ZNF311: variants seen among roughly 807,000 people sequenced by gnomAD.
The protein encoded by ZNF311 is zinc finger protein 311.
A neutral mutation model predicts 22.7 loss-of-function variants in ZNF311; 14 were observed. The observed-to-expected ratio is 0.62, with a 90% CI of 0.41 to 0.96. The LOEUF (loss-of-function observed/expected upper bound fraction) is 0.96, where lower values mean the gene tolerates loss of function less well. ZNF311 is among the 40% of genes least tolerant of loss of function. The pLI, the probability that ZNF311 is intolerant of heterozygous loss-of-function variation, is 0.00. For missense variants in ZNF311, 731 were observed against 799.0 expected (o/e 0.91, Z 1.03); for synonymous variants, 250 against 275.3 (o/e 0.91, Z 0.91).
At position 28,999,536 on chromosome 6, in the gene ZNF311, A is replaced by G; in HGVS notation, c.261T>C (p.His87=). 6.2e-7 allele frequency: 1 copy of G among 1,613,600 alleles called. No individual in the cohort carries two copies. The highest frequency in any genetic ancestry group is 8.5e-7 in the Non-Finnish European group (1 of 1,179,992). The change falls in exon 5 of 7, where the codon CAT becomes CAC. Residue 87 remains histidine (H), a synonymous_variant. Coordinates refer to ENST00000377179, the MANE Select transcript of ZNF311 (RefSeq NM_001382360.1). ...EWQCLTYAQR[H]LYKDVMLENY... Reference sequence around the variant, plus strand: ...TTTCCAACATCACATCCTTATAGAGATGCCTTTGAGCGTAGGTCAGACACT... The same window carrying G: ...TTTCCAACATCACATCCTTATAGAGGTGCCTTTGAGCGTAGGTCAGACACT...
intron 5 of ZNF311, 49 bp downstream of exon 5, chr6:28,999,434 TTAAA>T: frequency 6.7e-7 from 1 of 1,490,328 alleles, no homozygotes. Flanking sequence ...AATAAATCAA[TTAAA>T]TAATAAAAAA....
rs191931129 is a variant in ZNF311 at position 28,998,840 on chromosome 6, T to C, written c.311-2A>G. On this transcript the variant is annotated splice_acceptor_variant, in intron 5 of 6. Transcript: ENST00000377179. LOFTEE classifies it high-confidence loss of function. ...AAGGAGGTTTAGGAAATGGAAATCC[T>C]GGTTGCAGAGAAGAAATAAGTGTGT... The C allele has an allele frequency of 3.1e-6, 5 of 1,609,764 alleles. No individual in the cohort carries two copies. Among genetic ancestry groups the C allele is most frequent in the East Asian group, 2.2e-5 (1 of 44,858 alleles).
intron 3 of ZNF311, among the ~76,000 whole-genome samples, chr6:29,001,965 G>A (rs954529840): frequency 6.6e-6 from 1 of 152,160 alleles, no homozygotes; most frequent in African/African-American, 2.4e-5. Flanking sequence ...TACCCTTAGA[G>A]AAACTTTGAC....
intron 6 of ZNF311, among the ~76,000 whole-genome samples, chr6:28,996,868 T>C (rs1779679022): frequency 6.6e-6 from 1 of 152,216 alleles, no homozygotes; most frequent in African/African-American, 2.4e-5. Flanking sequence ...CAAAACAAAA[T>C]AATCTTCAAC....
intron 6 of ZNF311, among the ~76,000 whole-genome samples, chr6:28,997,942 A>G (rs1779858230): frequency 6.6e-6 from 1 of 152,146 alleles, no homozygotes; most frequent in Admixed American, 6.5e-5. Context: ...GAAAACTCCC[A>G]AAAAACAGAC....
Position 29,004,050 on chromosome 6 carries a change from A to T in ZNF311, c.-96T>A, listed in dbSNP as rs1780828495. 6.2e-7 allele frequency: 1 copy of T among 1,612,072 alleles called. No individual in the cohort carries two copies. Among genetic ancestry groups the T allele is most frequent in the Non-Finnish European group, 8.5e-7 (1 of 1,179,546 alleles). On this transcript the variant is annotated 5_prime_UTR_variant, in exon 2 of 7. Transcript: ENST00000377179. ...CTCAAACAAGCTGTGAAGTGGCTCC[A>T]GTTGATGCCAGCCTCCTTTGGAGAA...
At position 28,998,782 on chromosome 6, in the gene ZNF311, A is replaced by G. The variant is rs1218698378; in HGVS notation, c.367T>C (p.Cys123Arg). 3 of 1,613,020 alleles carry G rather than the reference A, an allele frequency of 1.9e-6. No homozygotes were observed. The highest frequency in any genetic ancestry group is 2.5e-6 in the Non-Finnish European group (3 of 1,180,004). The change falls in exon 6 of 7, where the codon TGT becomes CGT. Residue 123 changes from cysteine to arginine, a missense_variant. By Grantham distance (180) the Cys-to-Arg change is radical. Transcript: ENST00000377179. ...ISHLEREVDP[C>R]VQDPQDRESL... ...TCCCTGTCCTGTGGATCCTGCACACAGGGGTCTACTTCTCGCTCCAGATGA... is the reference window on the plus strand; with the variant it reads ...TCCCTGTCCTGTGGATCCTGCACACGGGGGTCTACTTCTCGCTCCAGATGA...
Position 28,995,013 on chromosome 6 carries a change from C to T in ZNF311, c.1989G>A (p.Leu663=). ...TVSQTSVVSI[L]TSA ...AGAATCGTTATACTCAGGCACTGGT[C>T]AAAATACTGACTACTGAGGTCTGAG... Residue 663 remains leucine, a synonymous_variant, in exon 7 of 7, where the codon TTG becomes TTA. Transcript: ENST00000377179. This position sits in a 1 kb window ranked among gnomAD's most constrained non-coding sequence, Gnocchi z 4.7. 1 of 1,606,436 alleles carries T rather than the reference C, an allele frequency of 6.2e-7. No individual in the cohort carries two copies. The highest frequency in any genetic ancestry group is 1.7e-5 in the Admixed American group (1 of 59,372).
chr6:28,997,198 T>C (rs1379354675), intron 6 of ZNF311, among the ~76,000 whole-genome samples: 1 of 152,140 alleles, frequency 6.6e-6, no homozygotes, highest in Non-Finnish European at 1.5e-5. Context: ...CTAGTGGTGG[T>C]GGGATGGTAT....
chr6:29,001,395 C>T (rs1299963071), intron 3 of ZNF311, among the ~76,000 whole-genome samples: 1 of 152,172 alleles, frequency 6.6e-6, no homozygotes. Flanking sequence ...TTAGTTTCAG[C>T]TACTTATAGC....
At chr6:28,997,943 A>G (rs1309192503) in intron 6 of ZNF311, among the ~76,000 whole-genome samples, 1 of 152,136 alleles carries the variant, frequency 6.6e-6, no homozygotes, top group East Asian at 1.9e-4. Flanking sequence ...AAAACTCCCA[A>G]AAAACAGACG....
chr6:29,003,995 C>G lies in ZNF311; in HGVS notation c.-41G>C. On this transcript the variant is annotated 5_prime_UTR_variant, in exon 2 of 7. Transcript: ENST00000377179. Reference sequence around the variant, plus strand: ...TCTTTAACAGTCTTCCACTGCTGTCCTGGTTTCTTCCTACTGGTCAGATCC... The same window carrying G: ...TCTTTAACAGTCTTCCACTGCTGTCGTGGTTTCTTCCTACTGGTCAGATCC... 6.2e-7 allele frequency: 1 copy of G among 1,612,932 alleles called. No individual in the cohort carries two copies. The highest frequency in any genetic ancestry group is 8.5e-7 in the Non-Finnish European group (1 of 1,179,906).
chr6:29,002,977 A>G (rs1020197591), intron 3 of ZNF311, among the ~76,000 whole-genome samples: 1 of 152,160 alleles, frequency 6.6e-6, no homozygotes, highest in Non-Finnish European at 1.5e-5. Context: ...ACGCCACCAA[A>G]GAGCACAAGG....
chr6:29,003,539 T>C lies in ZNF311; in HGVS notation c.65A>G (p.Gln22Arg), dbSNP rs1562349738. Residue 22 changes from glutamine (Q) to arginine (R), a missense_variant, in exon 3 of 7, where the codon CAG becomes CGG. Physicochemically the swap from Gln to Arg is conservative, Grantham distance 43 (BLOSUM62 1). Coordinates refer to ENST00000377179, the MANE Select transcript of ZNF311 (RefSeq NM_001382360.1). ...GPPSQLLWTR[Q>R]DTQLPQESAL... is the part of the protein sequence containing the mutation. Reference sequence around the variant, plus strand: ...GCTTTCCTGAGGGAGCTGGGTATCCTGGCGGGTCCAAAGCAGCTGGCTTGG... The same window carrying C: ...GCTTTCCTGAGGGAGCTGGGTATCCCGGCGGGTCCAAAGCAGCTGGCTTGG... 3.1e-6 allele frequency: 5 copies of C among 1,613,070 alleles called. No individual in the cohort carries two copies. Among genetic ancestry groups the C allele is most frequent in the Non-Finnish European group, 4.2e-6 (5 of 1,180,024 alleles).
At chr6:28,998,531 A>T (rs1285998403) in intron 6 of ZNF311, among the ~76,000 whole-genome samples, 1 of 152,202 alleles carries the variant, frequency 6.6e-6, no homozygotes, top group Non-Finnish European at 1.5e-5. Context: ...AAAATCTATT[A>T]GATAGGTTGC....
In ZNF311 at chr6:28,999,950, G is replaced by T; in HGVS notation, c.183+6C>A. On this transcript the variant is annotated splice_donor_region_variant and intron_variant, in intron 4 of 6. Transcript: ENST00000377179. Reference sequence around the variant, plus strand: ...TTCAAGGAGGAGGAAAGGGGCCTCAGCTCACTTGGGCCTGGCTCATTAGTG... The same window carrying T: ...TTCAAGGAGGAGGAAAGGGGCCTCATCTCACTTGGGCCTGGCTCATTAGTG... 6.2e-7 allele frequency: 1 copy of T among 1,611,846 alleles called. No homozygotes were observed. The highest frequency in any genetic ancestry group is 8.5e-7 in the Non-Finnish European group (1 of 1,179,186).
At chr6:28,998,313 C>A in intron 6 of ZNF311, among the ~76,000 whole-genome samples, 1 of 151,060 alleles carries the variant, frequency 6.6e-6, no homozygotes, top group South Asian at 2.1e-4. Flanking sequence ...GGGATTACAC[C>A]CAGCATGCAC....
chr6:28,996,712 A>G, intron 6 of ZNF311, 126 bp from the exon 7 acceptor site: 1 of 1,007,980 alleles, frequency 9.9e-7, no homozygotes, highest in East Asian at 2.6e-5. Context: ...CGTTGTGGCC[A>G]AAAGTCAGAA....
intron 4 of ZNF311, 132 bp from the exon 5 acceptor site, chr6:28,999,745 A>G: frequency 1.5e-6 from 2 of 1,361,814 alleles, no homozygotes; most frequent in South Asian, 3.0e-5. Flanking sequence ...GGGTATGTAC[A>G]AATGAGATGA....
Sources: gnomAD v4.1 joint callset for allele counts (sites outside exome capture counted in the v4.1 genomes callset) on GRCh38, gnomAD v4.1.1 for gene constraint, Gnocchi (gnomAD v3.1) non-coding constraint, MANE v1.5 for transcripts, NCBI Gene and HGNC (gene_info 2026-07-23, HGNC 2026-07-21) for gene names.